The following HPSE2 variants were observed in gnomAD, a reference collection of about 807,000 sequenced individuals.
HPSE2 encodes inactive heparanase-2.
Under a neutral mutation model 60.5 loss-of-function variants are expected in HPSE2, and 38 were observed. That is an observed-to-expected ratio of 0.63 (90% confidence interval 0.48 to 0.82). HPSE2 has a LOEUF of 0.82. HPSE2 is among the 40% of genes least tolerant of loss of function. The pLI, the probability that HPSE2 is intolerant of heterozygous loss-of-function variation, is 0.00. For missense variants in HPSE2, 713 were observed against 740.4 expected (o/e 0.96, Z 0.43); for synonymous variants, 295 against 293.2 (o/e 1.01, Z -0.06).
chr10:98,560,331 A>C (rs1457882488), intron 9 of HPSE2, among the ~76,000 whole-genome samples: 1 of 152,216 alleles, frequency 6.6e-6, no homozygotes, highest in Non-Finnish European at 1.5e-5. Flanking sequence ...GGGTCTCCTG[A>C]AAGTGTGACT....
rs551835769 is a variant in HPSE2 at position 99,152,635 on chromosome 10, T to C, written c.449-8236A>G. ...AAGAAGCTGTATTTGAGTAAAGTTG[T>C]TGTAATTTATAAAAATTAAGTTAAC... On this transcript the variant is annotated intron_variant, in intron 2 of 11. Transcript: ENST00000370552. Among the ~76,000 whole-genome samples, 4 of 152,334 alleles carry C rather than the reference T, an allele frequency of 2.6e-5. No individual in the cohort carries two copies. The East Asian group carries it at 5.8e-4, about 22-fold the overall frequency.
Position 99,232,433 on chromosome 10 carries a change from G to T in HPSE2, c.363C>A (p.Asp121Glu). Residue 121 changes from aspartate (D) to glutamate (E), a missense_variant, in exon 2 of 12, where the codon GAC becomes GAA. Asp to Glu is a conservative substitution (Grantham distance 45). Transcript: ENST00000370552. ...TCCTCAGGTTCTGGAACTGCAGGAA[G>T]TCGGTCCTTTTGCCCCCGAAGCGCA... The part of the protein sequence containing the change: ...AFLRFGGKRT[D>E]FLQFQNLRNP... 1 of 1,555,898 alleles carries T rather than the reference G, an allele frequency of 6.4e-7. No individual in the cohort carries two copies.
rs767446891 is a variant in HPSE2 at position 98,482,674 on chromosome 10, G to C, written c.1575C>G (p.Tyr525Ter). 1 of 1,614,186 alleles carries C rather than the reference G, an allele frequency of 6.2e-7. No individual in the cohort carries two copies. Among genetic ancestry groups the C allele is most frequent in the East Asian group, 2.2e-5 (1 of 44,882 alleles). The part of the protein sequence containing the change: ...GTLRDKLVHQ[Y>*]LLQPYGQEGL... ...CCTCCTGCCCATAGGGCTGCAGCAG[G>C]TACTGGTGAACCAGCTTGTCTCTGA... Residue 525 changes from tyrosine (Y) to a stop codon, truncating the protein, a stop_gained, in exon 11 of 12, where the codon TAC becomes TAG. Transcript: ENST00000370552. LOFTEE classifies it high-confidence loss of function.
chr10:98,972,619 G>T (rs1009249186), intron 3 of HPSE2, among the ~76,000 whole-genome samples: 1 of 152,084 alleles, frequency 6.6e-6, no homozygotes, highest in Non-Finnish European at 1.5e-5. Context: ...CCCTCAGGCT[G>T]TTTATCTGAA....
intron 2 of HPSE2, among the ~76,000 whole-genome samples, chr10:99,156,822 C>A (rs1846585455): frequency 2.1e-5 from 2 of 96,726 alleles, no homozygotes; most frequent in Non-Finnish European, 5.3e-5. Flanking sequence ...TCCCTGTTTG[C>A]AGATGACATG....
intron 3 of HPSE2, among the ~76,000 whole-genome samples, chr10:99,027,017 G>C (rs771663286): frequency 2.6e-5 from 4 of 151,488 alleles, no homozygotes; most frequent in African/African-American, 9.7e-5. Flanking sequence ...CATCACACAA[G>C]AAAAAAACTT....
the HPSE2 span, among the ~76,000 whole-genome samples, chr10:99,305,968 C>CTAA: frequency 2.8e-5 from 3 of 105,690 alleles, no homozygotes; most frequent in East Asian, 6.6e-4. Context: ...CACACGCGCG[C>CTAA]GCGCGCGCGC....
intron 7 of HPSE2, among the ~76,000 whole-genome samples, chr10:98,625,877 C>T (rs1315906738): frequency 6.6e-6 from 1 of 152,008 alleles, no homozygotes; most frequent in Non-Finnish European, 1.5e-5. Context: ...CCGAGGTGGG[C>T]GGATCTCAAG....
intron 6 of HPSE2, among the ~76,000 whole-genome samples, chr10:98,657,661 G>A (rs1241220229): frequency 1.3e-5 from 2 of 152,144 alleles, no homozygotes; most frequent in Non-Finnish European, 2.9e-5. Context: ...TATATTATAA[G>A]ATATTGGGAA....
intron 3 of HPSE2, among the ~76,000 whole-genome samples, chr10:98,851,699 G>A (rs1028412586): frequency 6.6e-6 from 1 of 152,066 alleles, no homozygotes; most frequent in Non-Finnish European, 1.5e-5. Context: ...GACTTCTTGA[G>A]TCATTAAGAC....
intron 3 of HPSE2, among the ~76,000 whole-genome samples, chr10:98,871,654 A>C (rs1226438802): frequency 6.6e-6 from 1 of 152,078 alleles, no homozygotes; most frequent in Non-Finnish European, 1.5e-5. Context: ...GCAGCATTTA[A>C]TTAGAGCACA....
chr10:99,172,967 A>G (rs554802619), intron 2 of HPSE2, among the ~76,000 whole-genome samples: 1 of 152,334 alleles, frequency 6.6e-6, no homozygotes, highest in South Asian at 2.1e-4. Flanking sequence ...TTAAAGAGTA[A>G]GTACAAGTCT....
At chr10:98,780,864 T>C (rs986439621) in intron 3 of HPSE2, among the ~76,000 whole-genome samples, 1 of 152,132 alleles carries the variant, frequency 6.6e-6, no homozygotes, top group African/African-American at 2.4e-5. Flanking sequence ...ACTGCACCAT[T>C]TCCTCTTCCT....
chr10:98,550,282 G>T (rs1943820362), intron 9 of HPSE2, among the ~76,000 whole-genome samples: 2 of 103,270 alleles, frequency 1.9e-5, no homozygotes, highest in Non-Finnish European at 3.9e-5. Context: ...CCTTATTAAT[G>T]CTTAGCATTT....
chr10:99,164,303 A>G (rs1162125744), intron 2 of HPSE2, among the ~76,000 whole-genome samples: 1 of 129,766 alleles, frequency 7.7e-6, no homozygotes, highest in African/African-American at 2.9e-5. Flanking sequence ...ATGTTATTTT[A>G]TTAAGCCACA....
At chr10:98,556,433 A>G (rs1014055700) in intron 9 of HPSE2, among the ~76,000 whole-genome samples, 5 of 152,240 alleles carry the variant, frequency 3.3e-5, no homozygotes, top group Non-Finnish European at 7.3e-5. Context: ...GAAAATTCAA[A>G]AGAATCTACA....
At chr10:98,811,739 G>A (rs578093077) in intron 3 of HPSE2, among the ~76,000 whole-genome samples, 2 of 152,214 alleles carry the variant, frequency 1.3e-5, no homozygotes, top group South Asian at 2.1e-4. Context: ...GAACGAGATT[G>A]TGTTCACTCT....
intron 3 of HPSE2, among the ~76,000 whole-genome samples, chr10:98,945,909 A>C (rs1317429026): frequency 6.6e-6 from 1 of 152,164 alleles, no homozygotes; most frequent in Non-Finnish European, 1.5e-5. Flanking sequence ...GACAGAGCAC[A>C]GATTATATAG....
chr10:98,606,193 T>C (rs1273420860), intron 9 of HPSE2, among the ~76,000 whole-genome samples: 1 of 152,166 alleles, frequency 6.6e-6, no homozygotes, highest in Non-Finnish European at 1.5e-5. Context: ...AGTTGTCAAA[T>C]GAATGAATGA....
Sources: allele counts gnomAD v4.1 joint callset (sites outside exome capture counted in the v4.1 genomes callset), GRCh38; gene constraint gnomAD v4.1.1; transcripts MANE v1.5; gene names NCBI Gene and HGNC (gene_info 2026-07-23, HGNC 2026-07-21).